The following PDE4D variants were observed in gnomAD, a reference collection of about 807,000 sequenced individuals.
The protein encoded by PDE4D is phosphodiesterase 4D, also known as 3',5'-cyclic-AMP phosphodiesterase 4D.
PDE4D carries 24 observed loss-of-function variants against 87.4 expected under a neutral mutation model. The observed-to-expected ratio is 0.27, with a 90% CI of 0.20 to 0.39. PDE4D has a LOEUF of 0.39. Among genes scored for constraint, PDE4D ranks in the 10% least tolerant of loss-of-function variants. The pLI is 1.00. For synonymous variants in PDE4D, 384 were observed against 383.2 expected (o/e 1.00, Z -0.02); for missense variants, 714 against 1,041.0 (o/e 0.69, Z 4.32).
At chr5:59,366,450 T>C (rs1337614183) in intron 1 of PDE4D, among the ~76,000 whole-genome samples, 3 of 152,214 alleles carry the variant, frequency 2.0e-5, no homozygotes, top group Non-Finnish European at 2.9e-5. Flanking sequence ...ATTTAATTGA[T>C]AAAAGCTATC....
chr5:59,992,812 A>G (rs1763148180), intron 2 of PDE4D, among the ~76,000 whole-genome samples: 1 of 152,196 alleles, frequency 6.6e-6, no homozygotes, highest in South Asian at 2.1e-4. Context: ...TTTTATCTTT[A>G]CAATAAAAAT....
At chr5:59,620,818 T>G (rs1215708092) in intron 1 of PDE4D, among the ~76,000 whole-genome samples, 1 of 152,162 alleles carries the variant, frequency 6.6e-6, no homozygotes, top group Non-Finnish European at 1.5e-5. Flanking sequence ...ATTTTTGGTT[T>G]CAAGACTTTT....
At chr5:59,326,321 T>C (rs958646938) in intron 1 of PDE4D, among the ~76,000 whole-genome samples, 1 of 152,142 alleles carries the variant, frequency 6.6e-6, no homozygotes, top group Non-Finnish European at 1.5e-5. Flanking sequence ...TTTTGTACTT[T>C]TGTGTTACAA....
chr5:60,468,459 C>T (rs539793158), intron 1 of PDE4D, among the ~76,000 whole-genome samples: 3 of 151,682 alleles, frequency 2.0e-5, no homozygotes, highest in African/African-American at 7.3e-5. Flanking sequence ...CTTTTCAAGC[C>T]CTTTCAGATT....
At chr5:59,275,616 A>C in intron 1 of PDE4D, 1 of 1,332,232 alleles carries the variant, frequency 7.5e-7, no homozygotes, top group Non-Finnish European at 9.6e-7. Flanking sequence ...TACTGAATTT[A>C]CTCCAGTACT....
At chr5:60,467,812 GGAGA>G (rs1747480219) in intron 1 of PDE4D, among the ~76,000 whole-genome samples, 1 of 152,116 alleles carries the variant, frequency 6.6e-6, no homozygotes, top group Admixed American at 6.5e-5. Flanking sequence ...TGGCAGAGCA[GGAGA>G]GAGAGAAAGG....
At chr5:60,402,573 GTTGCACCACCGAGTGGACAGTCACGC>G (rs1156324851) in intron 1 of PDE4D, among the ~76,000 whole-genome samples, 23 of 152,300 alleles carry the variant, frequency 1.5e-4, no homozygotes, top group Non-Finnish European at 2.6e-4. Context: ...GCAGTCCGTG[GTTGCACCACCGAGTGGACAGTCACGC>G]TTCAGAATGT....
chr5:59,060,827 C>T (rs905821037), intron 5 of PDE4D, among the ~76,000 whole-genome samples: 3 of 152,094 alleles, frequency 2.0e-5, no homozygotes, highest in Non-Finnish European at 4.4e-5. Context: ...AACAAAACTA[C>T]AAGAATCACC....
chr5:59,608,986 G>C (rs1828613083), intron 1 of PDE4D, among the ~76,000 whole-genome samples: 1 of 152,086 alleles, frequency 6.6e-6, no homozygotes, highest in Admixed American at 6.6e-5. Context: ...AGGAGTTGAG[G>C]CTTTCCAACA....
chr5:59,511,807 TAGA>T (rs1207313295), intron 1 of PDE4D, among the ~76,000 whole-genome samples: 4 of 152,136 alleles, frequency 2.6e-5, no homozygotes, highest in Admixed American at 2.0e-4. Context: ...CCTTAGGAGA[TAGA>T]AGAATAGGCC....
intron 1 of PDE4D, among the ~76,000 whole-genome samples, chr5:59,715,719 T>C (rs1251957368): frequency 1.3e-5 from 2 of 152,340 alleles, no homozygotes; most frequent in South Asian, 2.1e-4. Flanking sequence ...GATGACCTCC[T>C]ATGACCAGGA....
chr5:59,880,831 T>A (rs1749330194), intron 1 of PDE4D, among the ~76,000 whole-genome samples: 1 of 152,218 alleles, frequency 6.6e-6, no homozygotes, highest in South Asian at 2.1e-4. Context: ...TAAATACATT[T>A]TTTTCTGAAA....
chr5:59,521,404 T>C (rs527603887), intron 1 of PDE4D, among the ~76,000 whole-genome samples: 2 of 152,190 alleles, frequency 1.3e-5, no homozygotes, highest in Non-Finnish European at 2.9e-5. Flanking sequence ...AAGTCTTGTA[T>C]GGAAGGGAGA....
chr5:60,376,289 C>T (rs903460097), intron 1 of PDE4D, among the ~76,000 whole-genome samples: 5 of 152,096 alleles, frequency 3.3e-5, no homozygotes, highest in African/African-American at 1.2e-4. Context: ...TTGTTATCAT[C>T]ATCCTTATTT....
chr5:59,950,805 G>A (rs370563642), intron 3 of PDE4D, among the ~76,000 whole-genome samples: 162 of 151,762 alleles, frequency 1.1e-3, no homozygotes, highest in South Asian at 6.9e-3. Context: ...TTTTTTCCTC[G>A]TTTTATTTCT....
In PDE4D at chr5:59,882,644, C is replaced by T. The variant is rs747906624; in HGVS notation, c.455+10524G>A. Among the ~76,000 whole-genome samples the T allele has an allele frequency of 1.2e-3, 181 of 152,160 alleles. 2 individuals carry two copies. The highest frequency in any genetic ancestry group is 6.8e-3 in the Middle Eastern group (2 of 294). On this transcript the variant is annotated intron_variant, in intron 1 of 14. Transcript: ENST00000340635. ...TCAATCCATGTATTTAATGGGGCTA[C>T]ATTTTGCAACTAGATTATCTTGGTG...
intron 1 of PDE4D, among the ~76,000 whole-genome samples, chr5:59,648,252 A>G (rs1471939778): frequency 2.6e-5 from 4 of 152,242 alleles, no homozygotes; most frequent in African/African-American, 9.6e-5. Flanking sequence ...CAAAGTGCTC[A>G]GGAGATATAT....
chr5:59,761,742 C>G (rs1761993079), intron 1 of PDE4D, among the ~76,000 whole-genome samples: 1 of 152,004 alleles, frequency 6.6e-6, no homozygotes, highest in African/African-American at 2.4e-5. Context: ...CTAGATACCT[C>G]CTGAGGGACC....
chr5:59,611,488 A>C (rs796163526), intron 1 of PDE4D, among the ~76,000 whole-genome samples: 2 of 152,192 alleles, frequency 1.3e-5, no homozygotes, highest in African/African-American at 4.8e-5. Context: ...TCCCCTTGTA[A>C]CACTCATCAC....
Sources: allele counts gnomAD v4.1 joint callset (sites outside exome capture counted in the v4.1 genomes callset), GRCh38; gene constraint gnomAD v4.1.1; transcripts MANE v1.5; gene names NCBI Gene and HGNC (gene_info 2026-07-23, HGNC 2026-07-21).